The following CARD19 variants were observed in gnomAD, a reference collection of about 807,000 sequenced individuals.
CARD19 encodes the protein caspase recruitment domain-containing protein 19.
Under a neutral mutation model 24.1 loss-of-function variants are expected in CARD19, and 25 were observed. The ratio of observed to expected loss-of-function variants is 1.04; its 90% CI spans 0.76 to 1.45. CARD19 has a LOEUF of 1.45. Ranked by LOEUF, CARD19 falls within the 40% of genes most tolerant of loss-of-function variation. CARD19 has a pLI of 0.00. For missense variants in CARD19, 241 were observed against 247.4 expected (o/e 0.97, Z 0.17); for synonymous variants, 103 against 104.9 (o/e 0.98, Z 0.11).
intron 1 of CARD19, among the ~76,000 whole-genome samples, chr9:93,104,403 T>G (rs1827180470): frequency 6.6e-6 from 1 of 152,224 alleles, no homozygotes; most frequent in South Asian, 2.1e-4. Flanking sequence ...TTTGTCTGAT[T>G]TTGGTATCAG....
intron 1 of CARD19, among the ~76,000 whole-genome samples, chr9:93,102,871 A>G (rs1010890678): frequency 6.6e-6 from 1 of 151,842 alleles, no homozygotes; most frequent in Non-Finnish European, 1.5e-5. Flanking sequence ...TTTCCTAAGT[A>G]TTTTATTCTT....
In CARD19 at chr9:93,113,258, C is replaced by T. The variant is rs964496441; in HGVS notation, c.*151C>T. On this transcript the variant is annotated 3_prime_UTR_variant, in exon 6 of 6. Transcript: ENST00000375464. ...ACACCTTCACCTTACAAGGTGCTGA[C>T]CATATTAAATGTTCAGGTTCTCTCA... 2.5e-5 allele frequency: 14 copies of T among 551,650 alleles called. No individual in the cohort carries two copies. In the African/African-American group the frequency reaches 2.7e-4, roughly 11 times the overall value. The allele number at this position is 551,650 out of a possible 1,614,324, so 34.2% of individuals were successfully genotyped here.
At chr9:93,106,499 C>T (rs1827262417) in intron 1 of CARD19, among the ~76,000 whole-genome samples, 1 of 148,086 alleles carries the variant, frequency 6.8e-6, no homozygotes, top group Non-Finnish European at 1.5e-5. Context: ...ACCCAGGAGG[C>T]AGAGGTTGCA....
intron 2 of CARD19, chr9:93,109,180 T>C (rs894241135): frequency 5.9e-5 from 9 of 152,254 alleles, no homozygotes; most frequent in African/African-American, 2.2e-4. Context: ...TGAAGTCTAA[T>C]GCATGTTCAC....
chr9:93,105,062 G>T (rs1177352066), intron 1 of CARD19, among the ~76,000 whole-genome samples: 1 of 151,826 alleles, frequency 6.6e-6, no homozygotes, highest in Non-Finnish European at 1.5e-5. Context: ...GTAATGTTAG[G>T]TTACTGATTT....
intron 1 of CARD19, among the ~76,000 whole-genome samples, chr9:93,105,512 C>G (rs1304724721): frequency 6.6e-6 from 1 of 152,160 alleles, no homozygotes; most frequent in Non-Finnish European, 1.5e-5. Flanking sequence ...AACTTCTGGC[C>G]TCAAGTGATC....
At position 93,110,899 on chromosome 9, in the gene CARD19, T is replaced by C. The variant is rs1407394821; in HGVS notation, c.304+178T>C. ...CCACCCTCTGGCCCCGAGGGGAGAG[T>C]GTGGCAGGCACAGGCAGTGCAGATG... On this transcript the variant is annotated intron_variant, in intron 3 of 5. Coordinates refer to ENST00000375464, the MANE Select transcript of CARD19 (RefSeq NM_032310.5). 4 of 1,532,952 alleles carry C rather than the reference T, an allele frequency of 2.6e-6. No homozygotes were observed. The Admixed American group carries it at 5.9e-5, about 23-fold the overall frequency. 95.0% of individuals were successfully genotyped at this position (1,532,952 alleles called of 1,614,324 possible).
intron 1 of CARD19, among the ~76,000 whole-genome samples, chr9:93,106,582 A>C (rs1426907405): frequency 1.3e-5 from 2 of 150,334 alleles, no homozygotes. Context: ...AAAAACAAAA[A>C]AAAAAAAACA....
chr9:93,106,587 AAAAC>A (rs1443201094), intron 1 of CARD19, among the ~76,000 whole-genome samples: 1 of 151,698 alleles, frequency 6.6e-6, no homozygotes, highest in Non-Finnish European at 1.5e-5. Flanking sequence ...CAAAAAAAAA[AAAAC>A]AAAGTTTAAC....
rs1415680814 is a variant in CARD19 at position 93,111,199 on chromosome 9, C to T, written c.304+478C>T. 5 of 1,182,584 alleles carry T rather than the reference C, an allele frequency of 4.2e-6. No individual in the cohort carries two copies. In the East Asian group the frequency reaches 1.8e-4, roughly 43 times the overall value. 73.3% of individuals were successfully genotyped at this position (1,182,584 alleles called of 1,614,324 possible). A position where few individuals can be genotyped will look rare whatever the true frequency, so the allele number is the denominator to read the frequency against. The stretch of plus-strand genomic sequence containing the variant: ...TGTTTCCATAGGACATTGTCAGGCA[C>T]GGATGGCTGGTCCGAAGCACGTGCA... On this transcript the variant is annotated intron_variant, in intron 3 of 5. Transcript: ENST00000375464.
intron 2 of CARD19, chr9:93,109,168 A>G (rs1441772414): frequency 5.3e-5 from 8 of 152,246 alleles, no homozygotes; most frequent in African/African-American, 1.9e-4. Context: ...TATTATTGCA[A>G]TTGAAGTCTA....
At chr9:93,111,262 C>T in intron 3 of CARD19, 1 of 1,164,138 alleles carries the variant, frequency 8.6e-7, no homozygotes, top group Non-Finnish European at 1.1e-6. Context: ...GCAGTGTGGA[C>T]TCAGGCCCTG....
At position 93,113,162 on chromosome 9, in the gene CARD19, G is replaced by T. The variant is rs1341312622; in HGVS notation, c.*55G>T. The T allele has an allele frequency of 2.6e-6, 3 of 1,154,772 alleles. No homozygotes were observed. Among genetic ancestry groups the T allele is most frequent in the East Asian group, 2.7e-5 (1 of 37,640 alleles). The allele number at this position is 1,154,772 out of a possible 1,614,324, so 71.5% of individuals were successfully genotyped here. On this transcript the variant is annotated 3_prime_UTR_variant, in exon 6 of 6. Transcript: ENST00000375464. Reference sequence around the variant, plus strand: ...ACTCAACCAAAGAGTCCTCGAGCCGGCCCGCCAAGGGGACTGCTGCTTCTT... The same window carrying T: ...ACTCAACCAAAGAGTCCTCGAGCCGTCCCGCCAAGGGGACTGCTGCTTCTT...
chr9:93,104,724 T>C (rs928927328), intron 1 of CARD19, among the ~76,000 whole-genome samples: 3 of 152,206 alleles, frequency 2.0e-5, no homozygotes, highest in Non-Finnish European at 2.9e-5. Flanking sequence ...ATTTACGTTA[T>C]CCAATTTATT....
At chr9:93,110,260 G>C (rs1485004582) in intron 2 of CARD19, 2 of 327,742 alleles carry the variant, frequency 6.1e-6, no homozygotes, top group African/African-American at 2.1e-5. Flanking sequence ...CTCCCAAAGT[G>C]CTGGGATTAC....
chr9:93,110,371 G>C, intron 2 of CARD19, 197 bp from the exon 3 acceptor site: 1 of 816,824 alleles, frequency 1.2e-6, no homozygotes, highest in Admixed American at 3.1e-5. Flanking sequence ...AGGAGTAGCA[G>C]TGATGCCTGT....
At chr9:93,102,171 A>G (rs1827109955) in intron 1 of CARD19, among the ~76,000 whole-genome samples, 1 of 152,076 alleles carries the variant, frequency 6.6e-6, no homozygotes, top group Non-Finnish European at 1.5e-5. Flanking sequence ...CATGTTGGCC[A>G]GGCTGGTCTC....
chr9:93,112,406 C>G lies in CARD19; in HGVS notation c.436+117C>G, dbSNP rs545221095. 9 of 811,546 alleles carry G rather than the reference C, an allele frequency of 1.1e-5. No individual in the cohort carries two copies. The African/African-American group carries it at 1.5e-4, about 14-fold the overall frequency. The allele number at this position is 811,546 out of a possible 1,614,324, so 50.3% of individuals were successfully genotyped here. A position where few individuals can be genotyped will look rare whatever the true frequency, so the allele number is the denominator to read the frequency against. On this transcript the variant is annotated intron_variant, in intron 5 of 5. Coordinates refer to ENST00000375464, the MANE Select transcript of CARD19 (RefSeq NM_032310.5). Reference sequence around the variant, plus strand: ...GCCTCTTCGTACCTCGGTGTCCACACTTGTGCAGTGGGATGGTGTCACCTC... The same window carrying G: ...GCCTCTTCGTACCTCGGTGTCCACAGTTGTGCAGTGGGATGGTGTCACCTC...
At chr9:93,097,705 C>T (rs1323097406) in intron 1 of CARD19, among the ~76,000 whole-genome samples, 1 of 152,190 alleles carries the variant, frequency 6.6e-6, no homozygotes, top group Non-Finnish European at 1.5e-5. Flanking sequence ...ATTAAGGAGC[C>T]TTCCTGCACA....
Sources: allele counts gnomAD v4.1 joint callset (sites outside exome capture counted in the v4.1 genomes callset), GRCh38; gene constraint gnomAD v4.1.1; transcripts MANE v1.5; gene names NCBI Gene and HGNC (gene_info 2026-07-23, HGNC 2026-07-21).